Variants in TNFSF4 observed in about 807,000 individuals in gnomAD.
TNFSF4 encodes TNF superfamily member 4, also known as tumor necrosis factor ligand superfamily member 4.
Under a neutral mutation model 7.3 loss-of-function variants are expected in TNFSF4, and 4 were observed. The observed-to-expected ratio is 0.55, with a 90% confidence interval of 0.27 to 1.25. The LOEUF is 1.25. TNFSF4 is among the 50% of genes most tolerant of loss of function. TNFSF4 has a pLI of 0.12. For synonymous variants in TNFSF4, 76 were observed against 83.7 expected (o/e 0.91, Z 0.50); for missense variants, 181 against 208.8 (o/e 0.87, Z 0.82).
the TNFSF4 span, among the ~76,000 whole-genome samples, chr1:173,329,933 C>T: frequency 6.6e-6 from 1 of 152,138 alleles, no homozygotes; most frequent in African/African-American, 2.4e-5. Context: ...GTGGTCTAGA[C>T]ATTTTTCCCA....
the TNFSF4 span, among the ~76,000 whole-genome samples, chr1:173,367,426 G>A: frequency 1.3e-5 from 2 of 152,146 alleles, no homozygotes; most frequent in African/African-American, 4.8e-5. Context: ...TTCACTACAC[G>A]TGGAAATGAC....
chr1:173,397,341 T>A, the TNFSF4 span, among the ~76,000 whole-genome samples: 1 of 152,012 alleles, frequency 6.6e-6, no homozygotes, highest in Admixed American at 6.6e-5. Context: ...TTAATACACC[T>A]CCCCGCCTTA....
the TNFSF4 span, among the ~76,000 whole-genome samples, chr1:173,235,412 G>A: frequency 4.6e-5 from 7 of 152,296 alleles, no homozygotes; most frequent in South Asian, 2.1e-4. Context: ...TTTATAAGGC[G>A]TGGATTCCAG....
chr1:173,268,302 GT>G, the TNFSF4 span, among the ~76,000 whole-genome samples: 2 of 152,094 alleles, frequency 1.3e-5, no homozygotes, highest in African/African-American at 4.8e-5. Flanking sequence ...ATATTTCATA[GT>G]TGATGTAAAA....
the TNFSF4 span, among the ~76,000 whole-genome samples, chr1:173,262,491 C>T: frequency 3.3e-5 from 5 of 150,786 alleles, no homozygotes; most frequent in African/African-American, 4.9e-5. Flanking sequence ...GGCAATCAGG[C>T]GAGAGAAAGA....
the TNFSF4 span, among the ~76,000 whole-genome samples, chr1:173,241,056 C>G: frequency 6.6e-6 from 1 of 152,096 alleles, no homozygotes; most frequent in Non-Finnish European, 1.5e-5. Flanking sequence ...CTTTTACCTT[C>G]TAGCCATCTA....
chr1:173,394,334 G>A, the TNFSF4 span, among the ~76,000 whole-genome samples: 1 of 151,574 alleles, frequency 6.6e-6, no homozygotes, highest in Non-Finnish European at 1.5e-5. Context: ...TGAAATGATT[G>A]TTTCATGTTC....
the TNFSF4 span, among the ~76,000 whole-genome samples, chr1:173,301,896 C>T: frequency 6.7e-6 from 1 of 150,050 alleles, no homozygotes; most frequent in African/African-American, 2.4e-5. Context: ...CCTGCACTCA[C>T]ATAAATTGAT....
chr1:173,322,679 C>T, the TNFSF4 span, among the ~76,000 whole-genome samples: 8,889 of 152,186 alleles, frequency 0.058, 327 homozygotes, highest in East Asian at 0.11. Flanking sequence ...AATCAGGTCA[C>T]TCCCACCCTA....
the TNFSF4 span, among the ~76,000 whole-genome samples, chr1:173,328,207 A>C: frequency 1.3e-5 from 2 of 152,078 alleles, no homozygotes. Flanking sequence ...CTTTGTAGGG[A>C]CATGGGTGAA....
the TNFSF4 span, among the ~76,000 whole-genome samples, chr1:173,423,210 G>T: frequency 9.2e-5 from 14 of 152,076 alleles, no homozygotes; most frequent in Non-Finnish European, 1.8e-4. Context: ...TAAAATAATA[G>T]ATTTTATTAC....
chr1:173,205,554 G>C, intron 1 of TNFSF4: 1 of 1,299,566 alleles, frequency 7.7e-7, no homozygotes, highest in Non-Finnish European at 9.8e-7. Context: ...TGTGTCCTGT[G>C]TTTTATCATC....
chr1:173,395,037 T>TGATAGATAGATA, the TNFSF4 span, among the ~76,000 whole-genome samples: 312 of 94,088 alleles, frequency 3.3e-3, 1 homozygote, highest in East Asian at 5.1e-3. Context: ...GATAGATAGA[T>TGATAGATAGATA]GATAGATAGA....
chr1:173,299,480 C>T, the TNFSF4 span, among the ~76,000 whole-genome samples: 1 of 151,832 alleles, frequency 6.6e-6, no homozygotes, highest in African/African-American at 2.4e-5. Context: ...CACTTCTTCC[C>T]TCTACCCAAT....
At chr1:173,338,696 G>A in the TNFSF4 span, among the ~76,000 whole-genome samples, 1 of 152,158 alleles carries the variant, frequency 6.6e-6, no homozygotes, top group Non-Finnish European at 1.5e-5. Context: ...ATCACTGTCA[G>A]TGACCCACTG....
chr1:173,337,878 G>A, the TNFSF4 span, among the ~76,000 whole-genome samples: 1 of 152,178 alleles, frequency 6.6e-6, no homozygotes, highest in South Asian at 2.1e-4. Context: ...AGATATTTGT[G>A]TCCCATGTGA....
chr1:173,177,218 G>A, the TNFSF4 span, among the ~76,000 whole-genome samples: 65,130 of 151,946 alleles, frequency 0.43, 17,032 homozygotes, highest in African/African-American at 0.74. Context: ...TTACCTTAAA[G>A]AAAGAAAATG....
the TNFSF4 span, among the ~76,000 whole-genome samples, chr1:173,439,022 G>A: frequency 3.9e-5 from 6 of 152,204 alleles, no homozygotes; most frequent in Admixed American, 3.9e-4. Context: ...AATACAAGCT[G>A]AGTGAGTGAC....
the TNFSF4 span, among the ~76,000 whole-genome samples, chr1:173,361,729 C>A: frequency 6.6e-6 from 1 of 152,192 alleles, no homozygotes; most frequent in Non-Finnish European, 1.5e-5. Context: ...CTGATTCTCA[C>A]TTTCCTTGGG....
Sources: gnomAD v4.1 joint callset for allele counts (sites outside exome capture counted in the v4.1 genomes callset) on GRCh38, gnomAD v4.1.1 for gene constraint, MANE v1.5 for transcripts, NCBI Gene and HGNC (gene_info 2026-07-23, HGNC 2026-07-21) for gene names.